TAS2R1: variants seen among roughly 807,000 people sequenced by gnomAD.
TAS2R1 encodes taste receptor type 2 member 1.
For missense variants in TAS2R1, 370 were observed against 353.4 expected, an observed-to-expected ratio of 1.05 and a Z score of -0.38; for synonymous variants, 141 against 134.2, an observed-to-expected ratio of 1.05 and a Z score of -0.35.
At chr5:9,765,984 TG>T in the TAS2R1 span, among the ~76,000 whole-genome samples, 1 of 152,256 alleles carries the variant, frequency 6.6e-6, no homozygotes, top group African/African-American at 2.4e-5. Flanking sequence ...CATTTCTCTT[TG>T]TCTGGTGCTC....
At chr5:9,708,066 C>T (rs577630136) in intron 1 of TAS2R1, among the ~76,000 whole-genome samples, 2 of 152,162 alleles carry the variant, frequency 1.3e-5, no homozygotes, top group African/African-American at 4.8e-5. Context: ...ACGGCGCAAG[C>T]TCCTGGCCGC....
At chr5:9,655,646 A>G (rs1740402218) in intron 2 of TAS2R1, among the ~76,000 whole-genome samples, 1 of 152,140 alleles carries the variant, frequency 6.6e-6, no homozygotes, top group Non-Finnish European at 1.5e-5. Context: ...TCTAATGTAA[A>G]AGGGTTTATA....
chr5:9,719,066 A>C, the TAS2R1 span, among the ~76,000 whole-genome samples: 1 of 152,250 alleles, frequency 6.6e-6, no homozygotes, highest in East Asian at 1.9e-4. Context: ...GCAGTGGATT[A>C]GTTAAAGGTA....
the TAS2R1 span, among the ~76,000 whole-genome samples, chr5:9,824,268 G>A: frequency 2.0e-5 from 3 of 152,152 alleles, no homozygotes; most frequent in African/African-American, 7.2e-5. Context: ...TATCTCTCCA[G>A]TAGTCCCCAA....
the TAS2R1 span, among the ~76,000 whole-genome samples, chr5:9,797,998 C>T: frequency 6.6e-6 from 1 of 152,132 alleles, no homozygotes; most frequent in East Asian, 1.9e-4. Context: ...ATCGGGATAC[C>T]CATCAGCTGG....
chr5:9,760,954 A>T, the TAS2R1 span: 12 of 152,334 alleles, frequency 7.9e-5, no homozygotes, highest in African/African-American at 2.9e-4. Flanking sequence ...TCGATCTCCG[A>T]AGCTAAGCAG....
At chr5:9,875,472 A>C in the TAS2R1 span, among the ~76,000 whole-genome samples, 1 of 152,186 alleles carries the variant, frequency 6.6e-6, no homozygotes, top group African/African-American at 2.4e-5. Flanking sequence ...GTGCCATATG[A>C]AAGGAACAGC....
chr5:9,672,838 T>C (rs895160087), intron 1 of TAS2R1, among the ~76,000 whole-genome samples: 2 of 152,126 alleles, frequency 1.3e-5, no homozygotes, highest in Non-Finnish European at 2.9e-5. Context: ...TAAAGACACA[T>C]GCACATGTAA....
chr5:9,877,451 T>C, the TAS2R1 span, among the ~76,000 whole-genome samples: 77 of 152,336 alleles, frequency 5.1e-4, no homozygotes, highest in African/African-American at 1.8e-3. Context: ...ACATACAAAT[T>C]ATGCCTCTTT....
chr5:9,814,433 T>G, the TAS2R1 span, among the ~76,000 whole-genome samples: 1 of 152,200 alleles, frequency 6.6e-6, no homozygotes, highest in Non-Finnish European at 1.5e-5. Context: ...ACATGGTTAC[T>G]GTAGTGTTTT....
the TAS2R1 span, among the ~76,000 whole-genome samples, chr5:9,741,972 C>T: frequency 6.6e-6 from 1 of 152,106 alleles, no homozygotes; most frequent in Non-Finnish European, 1.5e-5. Flanking sequence ...CTCGGCTCAC[C>T]ACAACCTCTG....
intron 1 of TAS2R1, among the ~76,000 whole-genome samples, chr5:9,685,843 C>T (rs1302757719): frequency 6.6e-6 from 1 of 152,008 alleles, no homozygotes; most frequent in Non-Finnish European, 1.5e-5. Flanking sequence ...GTACATAATG[C>T]CATTTGATTG....
chr5:9,793,915 A>G, the TAS2R1 span, among the ~76,000 whole-genome samples: 1 of 152,160 alleles, frequency 6.6e-6, no homozygotes, highest in Non-Finnish European at 1.5e-5. Flanking sequence ...GCCTCAGATG[A>G]AAGTTGGCCC....
intron 1 of TAS2R1, among the ~76,000 whole-genome samples, chr5:9,682,600 G>T (rs1236321387): frequency 6.6e-6 from 1 of 152,094 alleles, no homozygotes; most frequent in Non-Finnish European, 1.5e-5. Context: ...AGGAACAAAA[G>T]GATAAAAGAG....
At chr5:9,873,434 C>T in the TAS2R1 span, among the ~76,000 whole-genome samples, 8 of 149,104 alleles carry the variant, frequency 5.4e-5, no homozygotes, top group East Asian at 5.9e-4. Flanking sequence ...AACCTCTTCT[C>T]GTATTGCACA....
the TAS2R1 span, among the ~76,000 whole-genome samples, chr5:9,771,728 G>A: frequency 4.6e-4 from 70 of 152,100 alleles, no homozygotes; most frequent in African/African-American, 1.6e-3. Context: ...TTTCTTCATG[G>A]TACAATCTTA....
chr5:9,784,700 C>T, the TAS2R1 span, among the ~76,000 whole-genome samples: 2 of 152,206 alleles, frequency 1.3e-5, no homozygotes, highest in Admixed American at 1.3e-4. Context: ...TCAGAAGCTC[C>T]AGAGGAGGAT....
upstream of TAS2R1, among the ~76,000 whole-genome samples, chr5:9,635,264 G>C (rs1561365345): frequency 6.6e-6 from 1 of 152,092 alleles, no homozygotes; most frequent in Non-Finnish European, 1.5e-5. Flanking sequence ...ACTTGTATAT[G>C]TTAAACCATT....
At chr5:9,857,991 G>A in the TAS2R1 span, among the ~76,000 whole-genome samples, 11 of 152,128 alleles carry the variant, frequency 7.2e-5, no homozygotes, top group African/African-American at 2.2e-4. Context: ...GGTATTCTAG[G>A]GCTGGGGTGG....
Sources: allele counts gnomAD v4.1 joint callset (sites outside exome capture counted in the v4.1 genomes callset), GRCh38; gene constraint gnomAD v4.1.1; transcripts MANE v1.5; gene names NCBI Gene and HGNC (gene_info 2026-07-23, HGNC 2026-07-21).